Variants in FAM20A observed in about 807,000 individuals in gnomAD.
The protein encoded by FAM20A is FAM20A golgi associated secretory pathway pseudokinase, also known as pseudokinase FAM20A.
FAM20A carries 42 observed loss-of-function variants against 52.0 expected under a neutral mutation model. The ratio of observed to expected loss-of-function variants is 0.81; its 90% CI spans 0.63 to 1.04. The LOEUF (loss-of-function observed/expected upper bound fraction) is 1.04. Ranked by LOEUF, FAM20A falls within the 50% of genes least tolerant of loss-of-function variation. The pLI, the probability that FAM20A is intolerant of heterozygous loss-of-function variation, is 0.00. For synonymous variants in FAM20A, 304 were observed against 298.9 expected (o/e 1.02, Z -0.18); for missense variants, 742 against 712.7 (o/e 1.04, Z -0.47).
chr17:68,559,608 G>GA (rs1490482354), intron 1 of FAM20A, among the ~76,000 whole-genome samples: 4 of 152,144 alleles, frequency 2.6e-5, no homozygotes, highest in African/African-American at 7.2e-5. Flanking sequence ...ATTTCTTTCA[G>GA]AAAAAAAGAG....
chr17:68,540,152 C>T (rs1221304637), intron 8 of FAM20A, among the ~76,000 whole-genome samples, 186 bp from the exon 9 acceptor site: 2 of 152,164 alleles, frequency 1.3e-5, no homozygotes, highest in Non-Finnish European at 2.9e-5. Context: ...GAGAAGGAAG[C>T]GAAACAAGCA....
chr17:68,577,265 A>G (rs1230223820), intron 1 of FAM20A, among the ~76,000 whole-genome samples: 1 of 152,198 alleles, frequency 6.6e-6, no homozygotes, highest in African/African-American at 2.4e-5. Context: ...ATTCCCCTCT[A>G]TTCTGCATGG....
chr17:68,576,910 C>CTT (rs1161101722), intron 1 of FAM20A, among the ~76,000 whole-genome samples: 3 of 152,158 alleles, frequency 2.0e-5, no homozygotes, highest in African/African-American at 7.2e-5. Flanking sequence ...AGCTGGGACT[C>CTT]TGTCTATAGT....
chr17:68,596,201 C>CCACACACACACACACACA lies in FAM20A; in HGVS notation c.404+4044_404+4061dup, dbSNP rs140687859. 1.6e-4 allele frequency among the ~76,000 whole-genome samples: 24 copies of CCACACACACACACACACA among 149,576 alleles called. 1 individual carries two copies. The highest frequency in any genetic ancestry group is 1.1e-3 in the South Asian group (5 of 4,726). On this transcript the variant is annotated intron_variant, in intron 1 of 10. Transcript: ENST00000592554. Reference sequence around the variant, plus strand: ...AGACAGGAGTTTCTGATGTGGGAAACCACACACACACACACACACACCCCT... The same window carrying CCACACACACACACACACA: ...AGACAGGAGTTTCTGATGTGGGAAACCACACACACACACACACACACACACACACACACACACACCCCT...
At chr17:68,589,368 A>T (rs1435204617) in intron 1 of FAM20A, among the ~76,000 whole-genome samples, 1 of 152,224 alleles carries the variant, frequency 6.6e-6, no homozygotes, top group East Asian at 1.9e-4. Context: ...GACCTGCAGA[A>T]TCGGGGGCTA....
intron 1 of FAM20A, among the ~76,000 whole-genome samples, chr17:68,579,572 G>A (rs776364894): frequency 4.6e-5 from 7 of 152,186 alleles, no homozygotes; most frequent in Non-Finnish European, 1.0e-4. Context: ...TACCTATTGA[G>A]TGAGAGTAGG....
At chr17:68,549,925 C>T (rs947793094) in intron 4 of FAM20A, among the ~76,000 whole-genome samples, 3 of 152,194 alleles carry the variant, frequency 2.0e-5, no homozygotes, top group Admixed American at 2.0e-4. Context: ...TGAGGTCTCT[C>T]CTGAAATTGT....
chr17:68,581,443 T>A (rs1159712277), intron 1 of FAM20A, among the ~76,000 whole-genome samples: 3 of 127,096 alleles, frequency 2.4e-5, no homozygotes, highest in Admixed American at 8.5e-5. Flanking sequence ...TTCTTTTCTT[T>A]TTTTCTTTTC....
rs143172307 is a variant in FAM20A at position 68,568,513 on chromosome 17, A to G, written c.405-12770T>C. ...ATAAATAAAAATTTTAAAAATAAAT[A>G]AAAGAAACTTACTGTGTCATACTTC... On this transcript the variant is annotated intron_variant, in intron 1 of 10. Transcript: ENST00000592554. 2.4e-3 allele frequency among the ~76,000 whole-genome samples: 370 copies of G among 151,748 alleles called. 10 individuals are homozygous for G. The highest frequency in any genetic ancestry group is 7.9e-3 in the African/African-American group (327 of 41,218).
chr17:68,567,568 G>A (rs904177352), intron 1 of FAM20A, among the ~76,000 whole-genome samples: 1 of 151,852 alleles, frequency 6.6e-6, no homozygotes, highest in Non-Finnish European at 1.5e-5. Context: ...GTAAGAAAGT[G>A]AGGACAGGGG....
At chr17:68,557,724 C>T (rs1568746746) in intron 1 of FAM20A, 1 of 152,176 alleles carries the variant, frequency 6.6e-6, no homozygotes, top group Admixed American at 6.5e-5. Context: ...GTGTAATATC[C>T]CCAGACGTGA....
At chr17:68,547,043 G>C (rs1302481555) in intron 4 of FAM20A, among the ~76,000 whole-genome samples, 1 of 151,850 alleles carries the variant, frequency 6.6e-6, no homozygotes, top group African/African-American at 2.4e-5. Context: ...GAGCAGTAAG[G>C]TCTCAACAGT....
chr17:68,571,208 A>G (rs573639711), intron 1 of FAM20A, among the ~76,000 whole-genome samples: 15 of 152,350 alleles, frequency 9.8e-5, no homozygotes, highest in African/African-American at 3.4e-4. Context: ...TGGAACAGCA[A>G]TGAAAGAGCT....
At chr17:68,571,152 G>A (rs1442903125) in intron 1 of FAM20A, among the ~76,000 whole-genome samples, 1 of 152,090 alleles carries the variant, frequency 6.6e-6, no homozygotes. Context: ...TCTCTTCGTT[G>A]GAAACTGAAT....
intron 1 of FAM20A, among the ~76,000 whole-genome samples, chr17:68,564,828 G>T (rs888691695): frequency 2.0e-5 from 3 of 152,090 alleles, no homozygotes; most frequent in African/African-American, 7.2e-5. Context: ...GTGCCAATCT[G>T]CACCCTGTTT....
chr17:68,573,441 TTTCTTTCTTTCTTTC>T lies in FAM20A; in HGVS notation c.405-17713_405-17699del, dbSNP rs774604158. Reference sequence around the variant, plus strand: ...TTTCCCTTTCTTTCCTTTCTCTTTCTTTCTTTCTTTCTTTCTTCTTTCTTTCTTTCTTTCTCTTTC... The same window carrying T: ...TTTCCCTTTCTTTCCTTTCTCTTTCTTTCTTTCTTTCTTTCTTTCTCTTTC... On this transcript the variant is annotated intron_variant, in intron 1 of 10. Transcript: ENST00000592554. 4.1e-3 allele frequency among the ~76,000 whole-genome samples: 496 copies of T among 120,090 alleles called. 1 individual carries two copies. The highest frequency in any genetic ancestry group is 6.6e-3 in the Non-Finnish European group (360 of 54,636). 78.8% of individuals were successfully genotyped at this position (120,090 alleles called of 152,430 possible).
intron 1 of FAM20A, among the ~76,000 whole-genome samples, chr17:68,559,238 A>G (rs1016819459): frequency 6.6e-6 from 1 of 152,246 alleles, no homozygotes; most frequent in Non-Finnish European, 1.5e-5. Flanking sequence ...TATTTTAAGC[A>G]TATGCTTTCA....
chr17:68,599,932 C>A (rs374023732), intron 1 of FAM20A, among the ~76,000 whole-genome samples: 2 of 152,220 alleles, frequency 1.3e-5, no homozygotes, highest in East Asian at 3.9e-4. Context: ...GGTTTGGGAG[C>A]GGACGAGGGA....
intron 3 of FAM20A, among the ~76,000 whole-genome samples, chr17:68,554,428 A>G (rs1009992317): frequency 6.6e-6 from 1 of 152,142 alleles, no homozygotes; most frequent in Non-Finnish European, 1.5e-5. Flanking sequence ...AATAGTGGGC[A>G]CCATTTGCTT....
Sources: gnomAD v4.1 joint callset for allele counts (sites outside exome capture counted in the v4.1 genomes callset) on GRCh38, gnomAD v4.1.1 for gene constraint, MANE v1.5 for transcripts, NCBI Gene and HGNC (gene_info 2026-07-23, HGNC 2026-07-21) for gene names.